PSMC1: variants seen among roughly 807,000 people sequenced by gnomAD.
The protein encoded by PSMC1 is proteasome 26S subunit, ATPase 1.
PSMC1 carries 5 observed loss-of-function variants against 49.8 expected under a neutral mutation model. That is an observed-to-expected ratio of 0.10 (90% CI 0.05 to 0.21). The LOEUF (loss-of-function observed/expected upper bound fraction) is 0.21, where lower values mean the gene tolerates loss of function less well. Ranked by LOEUF, PSMC1 falls within the 10% of genes least tolerant of loss-of-function variation. The pLI, the probability that PSMC1 is intolerant of heterozygous loss-of-function variation, is 1.00. For missense variants in PSMC1, 181 were observed against 535.7 expected (o/e 0.34, Z 6.54); for synonymous variants, 155 against 192.1 (o/e 0.81, Z 1.60).
At chr14:90,261,477 G>T (rs1891396888) in intron 3 of PSMC1, among the ~76,000 whole-genome samples, 1 of 152,166 alleles carries the variant, frequency 6.6e-6, no homozygotes, top group Admixed American at 6.5e-5. Flanking sequence ...AACCAGTCAT[G>T]TTACATGGAT....
chr14:90,269,364 G>A (rs749929923), intron 8 of PSMC1, 33 bp from the exon 9 acceptor site: 1 of 1,572,638 alleles, frequency 6.4e-7, no homozygotes, highest in Non-Finnish European at 8.6e-7. Context: ...GATCAGTTGA[G>A]TCTTCATTCC....
intron 7 of PSMC1, chr14:90,267,736 T>G (rs904178011): frequency 2.6e-5 from 4 of 153,556 alleles, no homozygotes; most frequent in African/African-American, 9.6e-5. Context: ...AAGCTAGGAT[T>G]CCCAGACCCT....
intron 1 of PSMC1, among the ~76,000 whole-genome samples, chr14:90,257,809 C>T (rs1396401295): frequency 6.6e-6 from 1 of 152,106 alleles, no homozygotes; most frequent in Non-Finnish European, 1.5e-5. Flanking sequence ...CCAGGCTGGT[C>T]CTGAACTCCT....
At chr14:90,257,181 A>T (rs973102211) in intron 1 of PSMC1, among the ~76,000 whole-genome samples, 1 of 148,826 alleles carries the variant, frequency 6.7e-6, no homozygotes, top group Non-Finnish European at 1.5e-5. Flanking sequence ...TCAATTCACT[A>T]AACAAGTATT....
At chr14:90,258,161 G>A (rs1030807121) in intron 1 of PSMC1, among the ~76,000 whole-genome samples, 2 of 152,200 alleles carry the variant, frequency 1.3e-5, no homozygotes, top group East Asian at 3.8e-4. Context: ...TGTGACAACA[G>A]GCAAGTCATT....
At position 90,275,135 on chromosome 14, in the gene PSMC1, A is replaced by C. The variant is rs1387894212; in HGVS notation, c.*2728A>C. 6.6e-6 allele frequency: 1 copy of C among 152,154 alleles called. No individual in the cohort carries two copies. The highest frequency in any genetic ancestry group is 1.5e-5 in the Non-Finnish European group (1 of 68,040). The allele number at this position is 152,154 out of a possible 1,614,324, so 9.4% of individuals were successfully genotyped here. On this transcript the variant is annotated 3_prime_UTR_variant, in exon 11 of 11. Transcript: ENST00000261303. ...GAGGAACATTCTACAAATTCAGAAC[A>C]CTTCAAAAGTATCCACGTCTTGGAA...
rs1491397403 is a variant in PSMC1 at position 90,274,838 on chromosome 14, A to ACACACACACACACCC, written c.*2432_*2433insACACACACACACCCC. 1.5e-5 allele frequency: 1 copy of ACACACACACACACCC among 67,186 alleles called. No individual in the cohort carries two copies. Among genetic ancestry groups the ACACACACACACACCC allele is most frequent in the East Asian group, 3.4e-4 (1 of 2,966 alleles). 4.2% of individuals were successfully genotyped at this position (67,186 alleles called of 1,614,324 possible). On this transcript the variant is annotated 3_prime_UTR_variant, in exon 11 of 11. Transcript: ENST00000261303. ...CACACACACACACACACACACACAC[A>ACACACACACACACCC]CCCCAATACATATGAATTGATCTGA... is the stretch of plus-strand genomic sequence containing the variant.
chr14:90,257,834 C>T (rs1891325649), intron 1 of PSMC1, among the ~76,000 whole-genome samples: 1 of 152,214 alleles, frequency 6.6e-6, no homozygotes, highest in Admixed American at 6.5e-5. Context: ...TTATGATCCG[C>T]CCGCCTCGGC....
At chr14:90,257,613 A>G (rs1891320363) in intron 1 of PSMC1, among the ~76,000 whole-genome samples, 1 of 152,018 alleles carries the variant, frequency 6.6e-6, no homozygotes, top group African/African-American at 2.4e-5. Flanking sequence ...TTTAATTTTA[A>G]TTTTTATTTT....
At chr14:90,263,570 A>G in intron 4 of PSMC1, 92 bp from the exon 5 acceptor site, 1 of 1,491,892 alleles carries the variant, frequency 6.7e-7, no homozygotes. Flanking sequence ...TGCCTTTTAC[A>G]AGCATCGGCT....
chr14:90,257,670 G>A (rs1403719920), intron 1 of PSMC1, among the ~76,000 whole-genome samples: 1 of 152,052 alleles, frequency 6.6e-6, no homozygotes, highest in Non-Finnish European at 1.5e-5. Context: ...GTGCAGTGGC[G>A]CGATCTCCGC....
intron 3 of PSMC1, among the ~76,000 whole-genome samples, chr14:90,262,743 C>T (rs1303910119): frequency 4.6e-5 from 7 of 151,614 alleles, no homozygotes; most frequent in South Asian, 2.1e-4. Context: ...GAGATCGCGC[C>T]GCTGCACTCC....
At chr14:90,269,956 CTCCTT>C (rs1416752090) in intron 9 of PSMC1, 1 of 482,406 alleles carries the variant, frequency 2.1e-6, no homozygotes, top group African/African-American at 1.9e-5. Flanking sequence ...TCAGGAATTG[CTCCTT>C]TCATTTATTT....
In PSMC1 at chr14:90,272,127, T is replaced by C. The variant is rs2139653943; in HGVS notation, c.1189-146T>C. Reference sequence around the variant, plus strand: ...CAGGCTGGTCTTGAACTCCTGACCTTAGGCGATCCACCTGCCTCGGCCTCC... The same window carrying C: ...CAGGCTGGTCTTGAACTCCTGACCTCAGGCGATCCACCTGCCTCGGCCTCC... On this transcript the variant is annotated intron_variant, in intron 10 of 10. Coordinates refer to ENST00000261303, the MANE Select transcript of PSMC1 (RefSeq NM_002802.3). This position sits in a 1 kb window ranked among gnomAD's most constrained non-coding sequence, Gnocchi z 4.5. 1.3e-6 allele frequency: 1 copy of C among 754,782 alleles called. No individual in the cohort carries two copies. The highest frequency in any genetic ancestry group is 1.7e-5 in the South Asian group (1 of 58,230). 46.8% of individuals were successfully genotyped at this position (754,782 alleles called of 1,614,324 possible).
At position 90,270,368 on chromosome 14, in the gene PSMC1, TG is replaced by T. The variant is rs1263043812; in HGVS notation, c.1188+17del. ...TGACATCAAGGTGAGAGCCTAGCCGTGTCAGCTTATTTCTGGGAATGTGGCC... is the reference window on the plus strand; with the variant it reads ...TGACATCAAGGTGAGAGCCTAGCCGTTCAGCTTATTTCTGGGAATGTGGCC... On this transcript the variant is annotated intron_variant, in intron 10 of 10. Coordinates refer to ENST00000261303, the MANE Select transcript of PSMC1 (RefSeq NM_002802.3). The T allele has an allele frequency of 6.2e-7, 1 of 1,606,628 alleles. No homozygotes were observed. Among genetic ancestry groups the T allele is most frequent in the South Asian group, 1.1e-5 (1 of 90,488 alleles).
intron 1 of PSMC1, among the ~76,000 whole-genome samples, chr14:90,258,421 C>G (rs941563782): frequency 1.3e-5 from 2 of 152,154 alleles, no homozygotes; most frequent in African/African-American, 4.8e-5. Context: ...TTTGAGGGAG[C>G]TGAGTGGGCC....
Position 90,269,406 on chromosome 14 carries a change from C to T in PSMC1, c.891C>T (p.Ser297=), listed in dbSNP as rs1182972409. The change falls in exon 9 of 11, where the codon TCC becomes TCT. Residue 297 remains serine (S), a synonymous_variant. Coordinates refer to ENST00000261303, the MANE Select transcript of PSMC1 (RefSeq NM_002802.3). ...IDAIGTKRYD[S]NSGGEREIQR... Reference sequence around the variant, plus strand: ...TTTTTTTTTTCCAAAGATATGACTCCAATTCTGGTGGTGAGAGAGAAATTC... The same window carrying T: ...TTTTTTTTTTCCAAAGATATGACTCTAATTCTGGTGGTGAGAGAGAAATTC... The T allele has an allele frequency of 1.9e-6, 3 of 1,605,552 alleles. No homozygotes were observed. The highest frequency in any genetic ancestry group is 2.7e-5 in the African/African-American group (2 of 74,384).
At chr14:90,270,780 A>G (rs1232555015) in intron 10 of PSMC1, 1 of 154,296 alleles carries the variant, frequency 6.5e-6, no homozygotes, top group Non-Finnish European at 1.4e-5. Context: ...TCTTGGTTTT[A>G]TGACAAATGT....
At chr14:90,259,299 G>T (rs1891351643) in intron 2 of PSMC1, 86 bp downstream of exon 2, 1 of 1,309,134 alleles carries the variant, frequency 7.6e-7, no homozygotes, top group Non-Finnish European at 1.1e-6. Flanking sequence ...GGGGATTCAT[G>T]AATTTTAAAA....
Sources: allele counts gnomAD v4.1 joint callset (sites outside exome capture counted in the v4.1 genomes callset), GRCh38; gene constraint gnomAD v4.1.1; non-coding constraint Gnocchi (gnomAD v3.1); transcripts MANE v1.5; gene names NCBI Gene and HGNC (gene_info 2026-07-23, HGNC 2026-07-21).